Variants in MAGI2 observed in about 807,000 individuals in gnomAD.
MAGI2 encodes the protein membrane-associated guanylate kinase, WW and PDZ domain-containing protein 2.
In MAGI2, 35 loss-of-function variants were observed where a neutral mutation model predicts 133.3. That is an observed-to-expected ratio of 0.26 (90% CI 0.20 to 0.35). MAGI2 has a LOEUF of 0.35. Ranked by LOEUF, MAGI2 falls within the 10% of genes least tolerant of loss-of-function variation. The pLI is 1.00. For synonymous variants in MAGI2, 729 were observed against 710.6 expected, an observed-to-expected ratio of 1.03 and a Z score of -0.41; for missense variants, 1,636 against 1,863.4, an observed-to-expected ratio of 0.88 and a Z score of 2.25.
chr7:78,832,629 T>C (rs1584073988), intron 2 of MAGI2, among the ~76,000 whole-genome samples: 1 of 152,174 alleles, frequency 6.6e-6, no homozygotes, highest in African/African-American at 2.4e-5. Flanking sequence ...AGGACCTGCA[T>C]AATCTCATGA....
At chr7:78,856,569 T>C (rs1793650124) in intron 2 of MAGI2, among the ~76,000 whole-genome samples, 1 of 152,144 alleles carries the variant, frequency 6.6e-6, no homozygotes, top group South Asian at 2.1e-4. Context: ...TGTAGATGTG[T>C]GGTATTATTT....
chr7:78,398,648 T>A (rs1021153670), intron 6 of MAGI2, among the ~76,000 whole-genome samples: 4 of 152,110 alleles, frequency 2.6e-5, no homozygotes, highest in Non-Finnish European at 4.4e-5. Flanking sequence ...TTGGGATCCA[T>A]CTTTCTGAAA....
chr7:79,120,090 G>C (rs547737068), intron 1 of MAGI2, among the ~76,000 whole-genome samples: 1 of 152,060 alleles, frequency 6.6e-6, no homozygotes, highest in Non-Finnish European at 1.5e-5. Context: ...GTGCATAGAA[G>C]AGAAAATGAA....
chr7:78,197,096 T>C (rs1828811184), intron 11 of MAGI2, among the ~76,000 whole-genome samples: 1 of 152,268 alleles, frequency 6.6e-6, no homozygotes, highest in South Asian at 2.1e-4. Context: ...CTCCCATTTG[T>C]AAAAATCTTT....
At chr7:78,201,947 T>C (rs1396261801) in intron 10 of MAGI2, among the ~76,000 whole-genome samples, 2 of 152,212 alleles carry the variant, frequency 1.3e-5, no homozygotes, top group African/African-American at 2.4e-5. Flanking sequence ...TAACTCCCTT[T>C]TAAAAAATAT....
chr7:78,052,223 G>T (rs1268664280), intron 21 of MAGI2, among the ~76,000 whole-genome samples: 1 of 152,160 alleles, frequency 6.6e-6, no homozygotes, highest in African/African-American at 2.4e-5. Flanking sequence ...AGTGTTGGAG[G>T]TAGGGCCTGG....
chr7:79,214,401 C>CTA (rs1829799445), intron 1 of MAGI2, among the ~76,000 whole-genome samples: 56 of 56,044 alleles, frequency 1.0e-3, no homozygotes, highest in Middle Eastern at 0.011. Flanking sequence ...CTCTCTCTCT[C>CTA]TCTCTCTATA....
intron 2 of MAGI2, among the ~76,000 whole-genome samples, chr7:78,682,824 T>C (rs952525361): frequency 5.9e-5 from 9 of 152,168 alleles, no homozygotes; most frequent in Admixed American, 3.3e-4. Flanking sequence ...ATTGATGAAC[T>C]CTTAAGGGTA....
intron 2 of MAGI2, among the ~76,000 whole-genome samples, chr7:78,922,397 G>C (rs1161847939): frequency 6.7e-6 from 1 of 150,236 alleles, no homozygotes; most frequent in African/African-American, 2.5e-5. Flanking sequence ...CTGTGTCCAT[G>C]TGTTCTCATT....
At chr7:79,356,567 G>A (rs530837744) in intron 1 of MAGI2, among the ~76,000 whole-genome samples, 59 of 152,062 alleles carry the variant, frequency 3.9e-4, no homozygotes, top group Non-Finnish European at 7.1e-4. Flanking sequence ...AGTTTCCAAA[G>A]CCTTGATATT....
At chr7:78,927,143 G>T (rs1436320588) in intron 2 of MAGI2, among the ~76,000 whole-genome samples, 1 of 152,010 alleles carries the variant, frequency 6.6e-6, no homozygotes, top group African/African-American at 2.4e-5. Context: ...GATGAAAAGA[G>T]ACTGAAGTTG....
intron 2 of MAGI2, among the ~76,000 whole-genome samples, chr7:78,999,024 G>A (rs1186288331): frequency 6.6e-6 from 1 of 152,004 alleles, no homozygotes; most frequent in Non-Finnish European, 1.5e-5. Flanking sequence ...ACAAAATATA[G>A]CCTCAGAACT....
intron 10 of MAGI2, among the ~76,000 whole-genome samples, chr7:78,244,578 T>A (rs1365013574): frequency 6.6e-6 from 1 of 152,204 alleles, no homozygotes; most frequent in South Asian, 2.1e-4. Context: ...TTTTAAGACA[T>A]CAGCATAACT....
intron 1 of MAGI2, among the ~76,000 whole-genome samples, chr7:79,359,657 G>A (rs1842251078): frequency 7.0e-6 from 1 of 142,906 alleles, no homozygotes; most frequent in African/African-American, 2.6e-5. Flanking sequence ...AAAAGGAAAT[G>A]CTCAAGTGGG....
At chr7:79,159,808 T>C (rs988684733) in intron 1 of MAGI2, among the ~76,000 whole-genome samples, 5 of 152,096 alleles carry the variant, frequency 3.3e-5, no homozygotes, top group African/African-American at 1.2e-4. Flanking sequence ...TAATGTTTAC[T>C]AATTATCTAA....
chr7:78,201,052 C>T, intron 11 of MAGI2, 110 bp downstream of exon 11: 2 of 684,852 alleles, frequency 2.9e-6, no homozygotes, highest in Middle Eastern at 6.7e-4. Flanking sequence ...TTTTACATCA[C>T]AGACTCCTAG....
At chr7:78,277,707 G>T (rs1037903751) in intron 9 of MAGI2, among the ~76,000 whole-genome samples, 13 of 152,204 alleles carry the variant, frequency 8.5e-5, no homozygotes, top group Admixed American at 7.2e-4. Flanking sequence ...TAGAACATCA[G>T]ATTGGAAAGT....
intron 1 of MAGI2, among the ~76,000 whole-genome samples, chr7:79,057,744 C>A (rs900251223): frequency 1.3e-5 from 2 of 152,058 alleles, no homozygotes; most frequent in East Asian, 1.9e-4. Context: ...TTCTACCTGG[C>A]CTCATGTGTA....
chr7:78,669,502 G>A (rs375315892), intron 2 of MAGI2, among the ~76,000 whole-genome samples: 299 of 151,982 alleles, frequency 2.0e-3, no homozygotes, highest in African/African-American at 6.3e-3. Context: ...ACAAGGAGGA[G>A]CTGGTACCAT....
Sources: allele counts gnomAD v4.1 joint callset (sites outside exome capture counted in the v4.1 genomes callset), GRCh38; gene constraint gnomAD v4.1.1; transcripts MANE v1.5; gene names NCBI Gene and HGNC (gene_info 2026-07-23, HGNC 2026-07-21).